The following CCNT1 variants were observed in gnomAD, a reference collection of about 807,000 sequenced individuals.
The protein encoded by CCNT1 is cyclin T1.
A neutral mutation model predicts 67.3 loss-of-function variants in CCNT1; 18 were observed. The ratio of observed to expected loss-of-function variants is 0.27; its 90% CI spans 0.18 to 0.40. The LOEUF is 0.40. Ranked by LOEUF, CCNT1 falls within the 10% of genes least tolerant of loss-of-function variation. The probability of loss-of-function intolerance (pLI) is 1.00; values close to 1 mark genes in which losing one functional copy is unlikely to be tolerated. For synonymous variants in CCNT1, 333 were observed against 310.3 expected (o/e 1.07, Z -0.77); for missense variants, 744 against 884.9 (o/e 0.84, Z 2.02).
At position 48,688,874 on chromosome 12, in the gene CCNT1, G is replaced by A. The variant is rs1940028990; in HGVS notation, c.*4159C>T. The A allele has an allele frequency of 6.6e-6, 1 of 151,952 alleles. No individual in the cohort carries two copies. The highest frequency in any genetic ancestry group is 2.1e-4 in the South Asian group (1 of 4,822). 9.4% of individuals were successfully genotyped at this position (151,952 alleles called of 1,614,324 possible). On this transcript the variant is annotated 3_prime_UTR_variant, in exon 9 of 9. Transcript: ENST00000261900. ...GAGTTTTAGGTGTGTGAAGTAGGGT[G>A]GGAAAAAAGGTCAGTTTCAAATTCA...
At chr12:48,698,087 A>T in intron 6 of CCNT1, 51 bp downstream of exon 6, 1 of 1,239,586 alleles carries the variant, frequency 8.1e-7, no homozygotes, top group Non-Finnish European at 1.1e-6. Context: ...ATCAAACTCA[A>T]GTAAAGTCCT....
chr12:48,699,373 T>C (rs1242025099), intron 5 of CCNT1, among the ~76,000 whole-genome samples: 4 of 152,194 alleles, frequency 2.6e-5, no homozygotes, highest in Non-Finnish European at 5.9e-5. Flanking sequence ...CTAATATTGT[T>C]AAATTAGAAT....
chr12:48,709,169 A>G (rs1940410775), intron 2 of CCNT1, among the ~76,000 whole-genome samples: 1 of 152,210 alleles, frequency 6.6e-6, no homozygotes, highest in Non-Finnish European at 1.5e-5. Context: ...AACTAAAAGT[A>G]TGGCATAAAC....
chr12:48,705,589 GT>G, intron 3 of CCNT1, 178 bp downstream of exon 3: 1 of 606,936 alleles, frequency 1.6e-6, no homozygotes, highest in Non-Finnish European at 2.8e-6. Flanking sequence ...TTTTCTTACT[GT>G]TAAGAAAAAC....
In CCNT1 at chr12:48,716,644, C is replaced by T; in HGVS notation, c.32G>A (p.Arg11Gln). The T allele has an allele frequency of 6.2e-7, 1 of 1,614,214 alleles. No homozygotes were observed. The highest frequency in any genetic ancestry group is 8.5e-7 in the Non-Finnish European group (1 of 1,180,016). The change falls in exon 1 of 9, where the codon CGG becomes CAG. Residue 11 changes from arginine (R) to glutamine (Q), a missense_variant. Arg to Gln is a conservative substitution (Grantham distance 43, BLOSUM62 1). Coordinates refer to ENST00000261900, the MANE Select transcript of CCNT1 (RefSeq NM_001240.4). ...CAGCTGTTCTCGAGTGAAATACCAC[C>T]GTTTGTTGTTGTTCTTCCTCTCTCC... MEGERKNNNK[R>Q]WYFTREQLEN...
chr12:48,695,197 T>A (rs1940149619), intron 8 of CCNT1, among the ~76,000 whole-genome samples: 1 of 152,164 alleles, frequency 6.6e-6, no homozygotes, highest in South Asian at 2.1e-4. Context: ...CTCAGGAGAA[T>A]GAAATTAACT....
Position 48,692,860 on chromosome 12 carries a change from C to T in CCNT1, c.*173G>A. The stretch of plus-strand genomic sequence containing the variant: ...TAAGAAAATAGTTAAATGCATGAGA[C>T]AGCAGATATATAGCCAAGGCCTTCT... On this transcript the variant is annotated 3_prime_UTR_variant, in exon 9 of 9. Coordinates refer to ENST00000261900, the MANE Select transcript of CCNT1 (RefSeq NM_001240.4). The T allele has an allele frequency of 1.7e-6, 1 of 571,824 alleles. No individual in the cohort carries two copies. Among genetic ancestry groups the T allele is most frequent in the Non-Finnish European group, 3.1e-6 (1 of 322,792 alleles). 35.4% of individuals were successfully genotyped at this position (571,824 alleles called of 1,614,324 possible).
rs1940536253 is a variant in CCNT1 at position 48,716,547 on chromosome 12, A to G, written c.129T>C (p.Asn43=). 1 of 1,614,006 alleles carries G rather than the reference A, an allele frequency of 6.2e-7. No homozygotes were observed. Among genetic ancestry groups the G allele is most frequent in the Non-Finnish European group, 8.5e-7 (1 of 1,179,968 alleles). Residue 43 remains asparagine, a synonymous_variant, in exon 1 of 9, where the codon AAT becomes AAC. Coordinates refer to ENST00000261900, the MANE Select transcript of CCNT1 (RefSeq NM_001240.4). ...GACGCTGCCCCATGTCCTGAAGCAG[A>G]TTGGCCGCCTGCTGGCGATAAGAAA... ...KELSYRQQAA[N]LLQDMGQRLN...
intron 6 of CCNT1, 72 bp downstream of exon 6, chr12:48,698,066 T>C (rs1297285392): frequency 1.1e-6 from 1 of 932,286 alleles, no homozygotes; most frequent in Non-Finnish European, 1.6e-6. Context: ...GAATTATCTA[T>C]AGCACACTGT....
chr12:48,699,708 T>C, intron 5 of CCNT1, 70 bp downstream of exon 5: 1 of 1,063,082 alleles, frequency 9.4e-7, no homozygotes, highest in Non-Finnish European at 1.4e-6. Context: ...TTATGTATTG[T>C]CCACCACAAA....
chr12:48,696,421 CAAA>C (rs112293009), intron 6 of CCNT1, among the ~76,000 whole-genome samples: 3 of 106,744 alleles, frequency 2.8e-5, no homozygotes, highest in Non-Finnish European at 2.0e-5. Flanking sequence ...TGACCAGAGC[CAAA>C]AAAAAAAAAA....
intron 6 of CCNT1, chr12:48,697,839 T>TA (rs763770731): frequency 0.03 from 3,451 of 116,200 alleles, 102 homozygotes; most frequent in East Asian, 0.15. Flanking sequence ...AATAATAATT[T>TA]AAAAAAAAAA....
rs1489987520 is a variant in CCNT1 at position 48,692,550 on chromosome 12, C to A, written c.*483G>T. 1 of 148,156 alleles carries A rather than the reference C, an allele frequency of 6.7e-6. No homozygotes were observed. Among genetic ancestry groups the A allele is most frequent in the African/African-American group, 2.5e-5 (1 of 39,852 alleles). 9.2% of individuals were successfully genotyped at this position (148,156 alleles called of 1,614,324 possible). A position where few individuals can be genotyped will look rare whatever the true frequency, so the allele number is the denominator to read the frequency against. ...CATATACACACAGCAAAATCCCTAT[C>A]CCCTTCCCAATTATATAAAAAAACT... On this transcript the variant is annotated 3_prime_UTR_variant, in exon 9 of 9. Coordinates refer to ENST00000261900, the MANE Select transcript of CCNT1 (RefSeq NM_001240.4).
chr12:48,698,343 C>G (rs1259598067), intron 5 of CCNT1, among the ~76,000 whole-genome samples, 160 bp from the exon 6 acceptor site: 1 of 152,174 alleles, frequency 6.6e-6, no homozygotes, highest in African/African-American at 2.4e-5. Context: ...CGTTTACATT[C>G]TGCCAAAGTA....
rs369338996 is a variant in CCNT1, at chr12:48,716,484, C to T, written c.161+31G>A. ...ACGCCAGAGCATGGCGGGACCAACT[C>T]CAAGGCCGAAGGCCTAGGCCACAAG... On this transcript the variant is annotated intron_variant, in intron 1 of 8. Coordinates refer to ENST00000261900, the MANE Select transcript of CCNT1 (RefSeq NM_001240.4). 2.3e-5 allele frequency: 37 copies of T among 1,583,356 alleles called. No homozygotes were observed. In the East Asian group the frequency reaches 6.8e-4, roughly 29 times the overall value.
chr12:48,698,212 G>A (rs747783946), intron 5 of CCNT1, 29 bp from the exon 6 acceptor site: 135 of 1,470,426 alleles, frequency 9.2e-5, no homozygotes, highest in Non-Finnish European at 6.8e-5. Flanking sequence ...AGTCAGGGGT[G>A]GGGGAGGAAA....
At chr12:48,695,864 G>A in intron 7 of CCNT1, 35 bp from the exon 8 acceptor site, 1 of 1,552,794 alleles carries the variant, frequency 6.4e-7, no homozygotes. Flanking sequence ...GAAAGACTGA[G>A]AGAAACAGAA....
At chr12:48,715,990 G>GA (rs1404965022) in intron 1 of CCNT1, among the ~76,000 whole-genome samples, 5 of 152,170 alleles carry the variant, frequency 3.3e-5, no homozygotes, top group Non-Finnish European at 5.9e-5. Flanking sequence ...CCATTTTATA[G>GA]ACAAGACGGC....
chr12:48,707,114 A>G (rs957287423), intron 2 of CCNT1, among the ~76,000 whole-genome samples: 2 of 152,212 alleles, frequency 1.3e-5, no homozygotes, highest in African/African-American at 4.8e-5. Flanking sequence ...TCAGATGAAT[A>G]TGAAGCATAC....
Sources: gnomAD v4.1 joint callset for allele counts (sites outside exome capture counted in the v4.1 genomes callset) on GRCh38, gnomAD v4.1.1 for gene constraint, MANE v1.5 for transcripts, NCBI Gene and HGNC (gene_info 2026-07-23, HGNC 2026-07-21) for gene names.